PTPRG: variants seen among roughly 807,000 people sequenced by gnomAD.
The protein encoded by PTPRG is protein tyrosine phosphatase receptor type G, also known as receptor-type tyrosine-protein phosphatase gamma.
In PTPRG, 102 loss-of-function variants were observed where a neutral mutation model predicts 165.3. The observed-to-expected ratio is 0.62, with a 90% CI of 0.53 to 0.73. The LOEUF is 0.73. Ranked by LOEUF, PTPRG falls within the 30% of genes least tolerant of loss-of-function variation. The pLI is 0.00. For missense variants in PTPRG, 1,866 were observed against 1,861.4 expected (o/e 1.00, Z -0.05); for synonymous variants, 675 against 669.5 (o/e 1.01, Z -0.13).
At chr3:61,602,784 G>A (rs78021842) in intron 1 of PTPRG, among the ~76,000 whole-genome samples, 2,553 of 152,186 alleles carry the variant, frequency 0.017, 34 homozygotes, top group Non-Finnish European at 0.023. Context: ...TGCTTGTGCC[G>A]GCTGGTGAGA....
intron 1 of PTPRG, among the ~76,000 whole-genome samples, chr3:61,677,137 C>T (rs536104971): frequency 6.6e-5 from 10 of 151,062 alleles, no homozygotes; most frequent in East Asian, 3.9e-4. Flanking sequence ...CCCAGCTACT[C>T]GAGAGGCTGA....
At chr3:62,257,978 A>G (rs1352608243) in intron 16 of PTPRG, among the ~76,000 whole-genome samples, 1 of 152,056 alleles carries the variant, frequency 6.6e-6, no homozygotes, top group East Asian at 1.9e-4. Flanking sequence ...AAAAACACCA[A>G]AAAGCCAGAG....
chr3:61,780,361 A>C (rs914484235), intron 2 of PTPRG, among the ~76,000 whole-genome samples: 5 of 152,188 alleles, frequency 3.3e-5, no homozygotes, highest in Non-Finnish European at 5.9e-5. Flanking sequence ...AATTACAAGA[A>C]TGCTTAATGA....
At chr3:61,795,270 A>G (rs1321961478) in intron 2 of PTPRG, among the ~76,000 whole-genome samples, 1 of 152,118 alleles carries the variant, frequency 6.6e-6, no homozygotes, top group Non-Finnish European at 1.5e-5. Context: ...TCATTGTGGT[A>G]TAGGGCTTAA....
intron 4 of PTPRG, among the ~76,000 whole-genome samples, chr3:62,060,869 T>C (rs1700785308): frequency 6.6e-6 from 1 of 152,238 alleles, no homozygotes; most frequent in Non-Finnish European, 1.5e-5. Flanking sequence ...TCATAATACA[T>C]GGAGTTCTGT....
intron 4 of PTPRG, among the ~76,000 whole-genome samples, chr3:62,034,709 A>G (rs1386158072): frequency 2.0e-5 from 3 of 152,220 alleles, no homozygotes; most frequent in African/African-American, 4.8e-5. Flanking sequence ...GCTCCACTCA[A>G]AAGAAATTTT....
intron 8 of PTPRG, among the ~76,000 whole-genome samples, chr3:62,168,754 C>G (rs1040911162): frequency 6.6e-6 from 1 of 152,164 alleles, no homozygotes; most frequent in Admixed American, 6.5e-5. Flanking sequence ...ACAGTGGGCT[C>G]TTTCAGCCTT....
intron 4 of PTPRG, among the ~76,000 whole-genome samples, chr3:62,033,901 G>A (rs1178293281): frequency 1.3e-5 from 2 of 152,098 alleles, no homozygotes; most frequent in African/African-American, 2.4e-5. Context: ...GGACTGAGCT[G>A]GGACTACAGG....
At chr3:62,200,032 T>G (rs1052178592) in intron 10 of PTPRG, among the ~76,000 whole-genome samples, 2 of 152,194 alleles carry the variant, frequency 1.3e-5, no homozygotes, top group African/African-American at 4.8e-5. Flanking sequence ...TCCACTTATA[T>G]GAAGTATCCG....
intron 5 of PTPRG, among the ~76,000 whole-genome samples, chr3:62,087,561 A>G (rs1508407): frequency 0.33 from 49,825 of 152,090 alleles, 10,283 homozygotes; most frequent in African/African-American, 0.59. Flanking sequence ...CCCTCAAGGT[A>G]TTATTACCTC....
rs529661542 is a variant in PTPRG at position 62,297,156 on chromosome 3, G to T, written c.*3849G>T. 6.6e-6 allele frequency: 1 copy of T among 152,026 alleles called. No individual in the cohort carries two copies. The highest frequency in any genetic ancestry group is 1.5e-5 in the Non-Finnish European group (1 of 67,930). The allele number at this position is 152,026 out of a possible 1,614,324, so 9.4% of individuals were successfully genotyped here. A position where few individuals can be genotyped will look rare whatever the true frequency, so the allele number is the denominator to read the frequency against. Reference sequence around the variant, plus strand: ...ATCTTCTGGGAACTTTGTATCTATGGTATATAATCATAGAATTTTATATTT... The same window carrying T: ...ATCTTCTGGGAACTTTGTATCTATGTTATATAATCATAGAATTTTATATTT... On this transcript the variant is annotated 3_prime_UTR_variant, in exon 30 of 30. Transcript: ENST00000474889.
intron 2 of PTPRG, among the ~76,000 whole-genome samples, chr3:61,907,021 G>C (rs1405362473): frequency 6.6e-6 from 1 of 151,908 alleles, no homozygotes; most frequent in African/African-American, 2.4e-5. Flanking sequence ...CTTTTGAGTT[G>C]GACAACTTAA....
At chr3:61,820,205 G>T (rs1341734783) in intron 2 of PTPRG, among the ~76,000 whole-genome samples, 1 of 152,180 alleles carries the variant, frequency 6.6e-6, no homozygotes, top group Non-Finnish European at 1.5e-5. Context: ...CCCACAGTCT[G>T]CTGTCTGTAA....
intron 1 of PTPRG, among the ~76,000 whole-genome samples, chr3:61,609,660 T>C (rs1268044943): frequency 6.6e-6 from 1 of 152,062 alleles, no homozygotes; most frequent in African/African-American, 2.4e-5. Flanking sequence ...AGTTTGAGAC[T>C]AGCCTGGGCA....
chr3:62,220,314 G>A (rs1241494157), intron 13 of PTPRG, among the ~76,000 whole-genome samples: 1 of 152,232 alleles, frequency 6.6e-6, no homozygotes, highest in Admixed American at 6.5e-5. Flanking sequence ...GATTTGACTT[G>A]AAGATTACTT....
intron 1 of PTPRG, among the ~76,000 whole-genome samples, chr3:61,741,842 C>G (rs899609854): frequency 2.6e-5 from 4 of 152,062 alleles, no homozygotes; most frequent in African/African-American, 9.7e-5. Flanking sequence ...TTCATATACA[C>G]AAATCTATAT....
At chr3:61,748,221 T>G (rs2033288763) in intron 1 of PTPRG, among the ~76,000 whole-genome samples, 1 of 152,236 alleles carries the variant, frequency 6.6e-6, no homozygotes, top group Non-Finnish European at 1.5e-5. Flanking sequence ...AGACTGGTAC[T>G]AATCACAAGG....
At chr3:61,833,702 A>G (rs2036376144) in intron 2 of PTPRG, among the ~76,000 whole-genome samples, 2 of 152,006 alleles carry the variant, frequency 1.3e-5, no homozygotes, top group Non-Finnish European at 1.5e-5. Flanking sequence ...AGCTGGAACT[A>G]CAGGTACCCG....
chr3:61,813,546 T>A (rs1351911976), intron 2 of PTPRG, among the ~76,000 whole-genome samples: 1 of 60,288 alleles, frequency 1.7e-5, no homozygotes, highest in Non-Finnish European at 3.1e-5. Context: ...AGAAAATCTG[T>A]GTGTGTGTGT....
Sources: gnomAD v4.1 joint callset for allele counts (sites outside exome capture counted in the v4.1 genomes callset) on GRCh38, gnomAD v4.1.1 for gene constraint, MANE v1.5 for transcripts, NCBI Gene and HGNC (gene_info 2026-07-23, HGNC 2026-07-21) for gene names.